EGFL6: variants seen among roughly 807,000 people sequenced by gnomAD.
EGFL6 encodes the protein EGF like domain multiple 6, also known as epidermal growth factor-like protein 6.
In EGFL6, 42 loss-of-function variants were observed where a neutral mutation model predicts 43.1. The observed-to-expected ratio is 0.98, with a 90% confidence interval of 0.76 to 1.26. The LOEUF (loss-of-function observed/expected upper bound fraction) is 1.26. Ranked by LOEUF, EGFL6 falls within the 50% of genes most tolerant of loss-of-function variation. EGFL6 has a pLI of 0.00. For missense variants in EGFL6, 429 were observed against 427.8 expected, an observed-to-expected ratio of 1.00 and a Z score of -0.02; for synonymous variants, 164 against 163.2, an observed-to-expected ratio of 1.01 and a Z score of -0.04.
At chrX:13,602,827 C>T (rs942818072) in intron 4 of EGFL6, among the ~76,000 whole-genome samples, 1 of 112,178 alleles carries the variant, frequency 8.9e-6, no homozygotes, top group Non-Finnish European at 1.9e-5. Context: ...TCAGCTATAT[C>T]TGCCACACGT....
At chrX:13,610,705 C>T (rs1440822288) in intron 7 of EGFL6, among the ~76,000 whole-genome samples, 2 of 111,611 alleles carry the variant, frequency 1.8e-5, no homozygotes, top group Non-Finnish European at 3.8e-5. Flanking sequence ...TTTGAACATG[C>T]ACATTCCAGG....
chrX:13,610,966 G>A (rs929265260), intron 7 of EGFL6, among the ~76,000 whole-genome samples: 4 of 110,849 alleles, frequency 3.6e-5, no homozygotes, highest in Non-Finnish European at 5.7e-5. Context: ...TCCACTTCAC[G>A]GGGTGGGACA....
At chrX:13,594,775 C>T (rs771788584) in intron 2 of EGFL6, 61 bp from the exon 3 acceptor site, 13 of 1,073,489 alleles carry the variant, frequency 1.2e-5, no homozygotes, top group Admixed American at 4.5e-5. Context: ...CGAAGTTTTG[C>T]GTGCATTTCA....
At chrX:13,619,727 G>T (rs2045739680) in intron 9 of EGFL6, among the ~76,000 whole-genome samples, 1 of 111,675 alleles carries the variant, frequency 9.0e-6, no homozygotes, top group African/African-American at 3.3e-5. Flanking sequence ...GGACGGTTCT[G>T]CTGCCCTGAG....
At chrX:13,604,327 G>A (rs1461951395) in intron 5 of EGFL6, among the ~76,000 whole-genome samples, 3 of 111,548 alleles carry the variant, frequency 2.7e-5, no homozygotes, top group Non-Finnish European at 5.7e-5. Flanking sequence ...TGATGAGCAG[G>A]TTAAATGAGC....
intron 1 of EGFL6, among the ~76,000 whole-genome samples, chrX:13,575,384 C>A (rs370790479): frequency 1.8e-5 from 2 of 111,834 alleles, no homozygotes; most frequent in East Asian, 5.6e-4. Context: ...GAGCTGAGAT[C>A]ATGCCATTCT....
chrX:13,579,119 G>T (rs768116903), intron 1 of EGFL6, among the ~76,000 whole-genome samples: 11 of 110,258 alleles, frequency 1.0e-4, no homozygotes, highest in Non-Finnish European at 1.9e-4. Context: ...TTTAGGTTCA[G>T]GGGTACCTGT....
At position 13,627,116 on chromosome X, in the gene EGFL6, T is replaced by C. The variant is rs749380142; in HGVS notation, c.1391T>C (p.Leu464Ser). 1.7e-6 allele frequency: 2 copies of C among 1,210,814 alleles called. No individual in the cohort carries two copies. Among genetic ancestry groups the C allele is most frequent in the Non-Finnish European group, 2.2e-6 (2 of 895,480 alleles). ...CTGCAACCCCAAAGCAACTTCTGTT[T>C]GCTCTTTGATTACCGGCTGGCCGGA... ...PDLQPQSNFCLLFDYRLAGDK... is the reference protein window; with the variant it reads ...PDLQPQSNFCSLFDYRLAGDK... Residue 464 changes from leucine to serine, a missense_variant, in exon 11 of 12, where the codon TTG (leucine) becomes TCG (serine). Leu to Ser is a moderately radical substitution (Grantham distance 145). Coordinates refer to ENST00000361306, the MANE Select transcript of EGFL6 (RefSeq NM_015507.4).
intron 1 of EGFL6, among the ~76,000 whole-genome samples, chrX:13,578,341 C>G (rs905487543): frequency 8.3e-5 from 9 of 107,840 alleles, no homozygotes; most frequent in Non-Finnish European, 1.5e-4. Flanking sequence ...GGACTGTAAA[C>G]TAGTTCAACC....
intron 3 of EGFL6, among the ~76,000 whole-genome samples, chrX:13,597,041 C>G (rs2045601563): frequency 8.9e-6 from 1 of 112,198 alleles, no homozygotes; most frequent in Admixed American, 9.4e-5. Context: ...GTTGTCATAA[C>G]TGGATGTGGG....
chrX:13,628,184 T>G (rs770830839), intron 11 of EGFL6, among the ~76,000 whole-genome samples: 1 of 111,268 alleles, frequency 9.0e-6, no homozygotes, highest in East Asian at 2.8e-4. Flanking sequence ...AGAGGTTATC[T>G]CCTAAGAACC....
rs770463799 is a variant in EGFL6, at chrX:13,633,134, C to T, written c.*39C>T. 3.6e-6 allele frequency: 4 copies of T among 1,114,539 alleles called. No individual in the cohort carries two copies. Among genetic ancestry groups the T allele is most frequent in the Non-Finnish European group, 4.8e-6 (4 of 833,670 alleles). The allele number at this position is 1,114,539 out of a possible 1,213,427, so 91.9% of individuals were successfully genotyped here. ...TATATTTGACTTTGTATGTCAGTTC[C>T]CTGGTTTTTTTGATATTGCATCATA... On this transcript the variant is annotated 3_prime_UTR_variant, in exon 12 of 12. Coordinates refer to ENST00000361306, the MANE Select transcript of EGFL6 (RefSeq NM_015507.4).
chrX:13,575,395 GTC>G (rs1238100692), intron 1 of EGFL6, among the ~76,000 whole-genome samples: 2 of 111,526 alleles, frequency 1.8e-5, no homozygotes, highest in East Asian at 5.6e-4. Context: ...ATGCCATTCT[GTC>G]TCAAAAAACA....
intron 5 of EGFL6, among the ~76,000 whole-genome samples, chrX:13,603,924 C>A (rs1031268713): frequency 8.9e-6 from 1 of 112,055 alleles, no homozygotes; most frequent in African/African-American, 3.2e-5. Context: ...TTAAAACTTG[C>A]TCCAAGTTAT....
intron 3 of EGFL6, among the ~76,000 whole-genome samples, chrX:13,595,614 G>C (rs775719504): frequency 8.1e-5 from 9 of 111,766 alleles, no homozygotes; most frequent in African/African-American, 2.9e-4. Context: ...ATCTAACATT[G>C]TTCTCTGCAT....
intron 7 of EGFL6, among the ~76,000 whole-genome samples, chrX:13,610,818 G>A (rs1178754261): frequency 9.0e-6 from 1 of 111,372 alleles, no homozygotes; most frequent in Non-Finnish European, 1.9e-5. Flanking sequence ...GTTCAAAATG[G>A]GGTTTATGGT....
At position 13,569,680 on chromosome X, in the gene EGFL6, A is replaced by C; in HGVS notation, c.-182A>C. On this transcript the variant is annotated 5_prime_UTR_variant, in exon 1 of 12. Coordinates refer to ENST00000361306, the MANE Select transcript of EGFL6 (RefSeq NM_015507.4). ...GCCCCCAGCCCCTCCCCAGGCCGCG[A>C]GCGCCCCTGCCGCGGTGCCTGGCCT... The C allele has an allele frequency of 2.9e-6, 1 of 347,252 alleles. No individual in the cohort carries two copies. Among genetic ancestry groups the C allele is most frequent in the Non-Finnish European group, 4.9e-6 (1 of 203,671 alleles). 28.6% of individuals were successfully genotyped at this position (347,252 alleles called of 1,213,427 possible). A position where few individuals can be genotyped will look rare whatever the true frequency, so the allele number is the denominator to read the frequency against.
chrX:13,596,284 T>C (rs1354636081), intron 3 of EGFL6: 1 of 111,767 alleles, frequency 8.9e-6, no homozygotes, highest in Non-Finnish European at 1.9e-5. Flanking sequence ...ATTGCTCACC[T>C]GGGTTGATTT....
At chrX:13,611,602 G>T (rs772259237) in intron 7 of EGFL6, among the ~76,000 whole-genome samples, 1 of 112,388 alleles carries the variant, frequency 8.9e-6, no homozygotes, top group African/African-American at 3.2e-5. Context: ...CATGCAATTA[G>T]ATAGTTGTTT....
Sources: allele counts gnomAD v4.1 joint callset (sites outside exome capture counted in the v4.1 genomes callset), GRCh38; gene constraint gnomAD v4.1.1; transcripts MANE v1.5; gene names NCBI Gene and HGNC (gene_info 2026-07-23, HGNC 2026-07-21).